The following SCG5 variants were observed in gnomAD, a reference collection of about 807,000 sequenced individuals.
SCG5 encodes secretogranin V.
SCG5 carries 18 observed loss-of-function variants against 25.7 expected under a neutral mutation model. The observed-to-expected ratio is 0.70, with a 90% confidence interval of 0.48 to 1.04. The LOEUF (loss-of-function observed/expected upper bound fraction) is 1.04. SCG5 is among the 50% of genes least tolerant of loss of function. SCG5 has a pLI of 0.00. For synonymous variants in SCG5, 101 were observed against 91.7 expected, an observed-to-expected ratio of 1.10 and a Z score of -0.58; for missense variants, 206 against 259.8, an observed-to-expected ratio of 0.79 and a Z score of 1.42.
At chr15:32,651,712 G>C (rs1567070982) in intron 2 of SCG5, among the ~76,000 whole-genome samples, 1 of 152,222 alleles carries the variant, frequency 6.6e-6, no homozygotes. Context: ...GTCTCTGGAT[G>C]ATTTTCAGTT....
chr15:32,690,958 T>C (rs1595822181), intron 4 of SCG5, among the ~76,000 whole-genome samples: 1 of 148,586 alleles, frequency 6.7e-6, no homozygotes, highest in African/African-American at 2.4e-5. Context: ...CTTCTCCCTT[T>C]CTGCCTTCAG....
chr15:32,672,680 T>C (rs1477061077), intron 2 of SCG5, among the ~76,000 whole-genome samples: 1 of 151,916 alleles, frequency 6.6e-6, no homozygotes, highest in African/African-American at 2.4e-5. Context: ...CTGGAAAGGG[T>C]ATGAATGGAC....
At chr15:32,663,132 TATATA>T (rs1256270199) in intron 2 of SCG5, among the ~76,000 whole-genome samples, 2 of 147,596 alleles carry the variant, frequency 1.4e-5, no homozygotes, top group East Asian at 2.0e-4. Context: ...ATATATAACA[TATATA>T]ATATATGAAT....
intron 2 of SCG5, among the ~76,000 whole-genome samples, chr15:32,675,078 A>T (rs1335182683): frequency 1.3e-5 from 2 of 152,216 alleles, no homozygotes; most frequent in African/African-American, 4.8e-5. Context: ...ATATAAAGCA[A>T]AGTTTATATA....
intron 2 of SCG5, chr15:32,669,157 T>C (rs2054374125): frequency 6.6e-6 from 1 of 152,160 alleles, no homozygotes; most frequent in South Asian, 2.1e-4. Context: ...TAGCACTCAT[T>C]ATCATGTTAG....
At chr15:32,674,106 A>G (rs1054485431) in intron 2 of SCG5, among the ~76,000 whole-genome samples, 19 of 152,324 alleles carry the variant, frequency 1.2e-4, no homozygotes, top group African/African-American at 4.6e-4. Context: ...ATTCCCAGTA[A>G]TAGTCCCAAA....
intron 2 of SCG5, among the ~76,000 whole-genome samples, chr15:32,651,032 T>C (rs1394016957): frequency 6.6e-6 from 1 of 152,070 alleles, no homozygotes; most frequent in Non-Finnish European, 1.5e-5. Context: ...ACCCCGTTTC[T>C]ACTAAAAATA....
At position 32,690,463 on chromosome 15, in the gene SCG5, G is replaced by A. The variant is rs143737381; in HGVS notation, c.490-1247G>A. On this transcript the variant is annotated intron_variant, in intron 4 of 5. Transcript: ENST00000300175. ...CACAGCAATATCCTCATTCCTCAAG[G>A]AAATGATCTGCAAGTCTGCCTTTTC... 8.5e-3 allele frequency among the ~76,000 whole-genome samples: 1,298 copies of A among 152,294 alleles called. 7 individuals are homozygous for A. The highest frequency in any genetic ancestry group is 0.014 in the Non-Finnish European group (972 of 68,032).
At chr15:32,652,647 T>G (rs554224750) in intron 2 of SCG5, among the ~76,000 whole-genome samples, 3 of 152,136 alleles carry the variant, frequency 2.0e-5, no homozygotes, top group Non-Finnish European at 4.4e-5. Context: ...TTTGGAGGTT[T>G]TGGCCTCAGG....
At chr15:32,659,723 C>T (rs749769441) in intron 2 of SCG5, among the ~76,000 whole-genome samples, 1 of 152,124 alleles carries the variant, frequency 6.6e-6, no homozygotes, top group South Asian at 2.1e-4. Context: ...AAGCCCTGCA[C>T]GGTTTGGACA....
intron 5 of SCG5, chr15:32,692,161 A>G: frequency 1.9e-6 from 2 of 1,039,584 alleles, no homozygotes; most frequent in Non-Finnish European, 2.3e-6. Context: ...CAGGACAGAA[A>G]CAGGGAAGTG....
At chr15:32,656,131 T>C (rs939133576) in intron 2 of SCG5, 3 of 152,372 alleles carry the variant, frequency 2.0e-5, no homozygotes, top group Non-Finnish European at 4.4e-5. Context: ...TGCCTTGCAG[T>C]TGGCAAGCCG....
intron 2 of SCG5, among the ~76,000 whole-genome samples, chr15:32,664,904 A>G (rs1258293915): frequency 2.0e-5 from 3 of 152,214 alleles, no homozygotes; most frequent in Non-Finnish European, 4.4e-5. Context: ...GGCAGAATGG[A>G]GGAATTCCCT....
intron 2 of SCG5, among the ~76,000 whole-genome samples, chr15:32,665,529 G>A (rs2054304774): frequency 6.6e-6 from 1 of 152,094 alleles, no homozygotes; most frequent in African/African-American, 2.4e-5. Flanking sequence ...GTGGAGAAGA[G>A]GAGTCAGAGC....
chr15:32,645,042 C>T (rs146824978), intron 2 of SCG5, among the ~76,000 whole-genome samples: 122 of 152,278 alleles, frequency 8.0e-4, no homozygotes, highest in Admixed American at 2.5e-3. Context: ...TGCGTTGAAT[C>T]GGCAAGCATG....
At chr15:32,679,621 C>T in intron 2 of SCG5, 145 bp from the exon 3 acceptor site, 1 of 838,404 alleles carries the variant, frequency 1.2e-6, no homozygotes, top group Non-Finnish European at 1.9e-6. Flanking sequence ...AATTTCTAAA[C>T]CCCTAGAGGG....
chr15:32,696,352 C>T (rs539816381), intron 5 of SCG5, among the ~76,000 whole-genome samples, 162 bp from the exon 6 acceptor site: 6 of 152,206 alleles, frequency 3.9e-5, no homozygotes, highest in South Asian at 2.1e-4. Context: ...CTCCTGACCT[C>T]GTGATCTGCC....
rs1555433850 is a variant in SCG5 at position 32,657,211 on chromosome 15, A to ATATATATATATATATATATATG, written c.226+13394_226+13395insATATATATATATATATATATGT. ...CTTTCATCCTCCTGTATATATATAT[A>ATATATATATATATATATATATG]TGTATGTATTTCCAGGTGTAAGTGG... On this transcript the variant is annotated intron_variant, in intron 2 of 5. Transcript: ENST00000300175. Among the ~76,000 whole-genome samples the ATATATATATATATATATATATG allele has an allele frequency of 6.1e-4, 62 of 102,462 alleles. 8 individuals carry two copies. Among genetic ancestry groups the ATATATATATATATATATATATG allele is most frequent in the African/African-American group, 2.1e-3 (61 of 29,346 alleles). The allele number at this position is 102,462 out of a possible 152,430, so 67.2% of individuals were successfully genotyped here.
At position 32,684,652 on chromosome 15, in the gene SCG5, C is replaced by A. The variant is rs753398276; in HGVS notation, c.472C>A (p.Pro158Thr). 10 of 1,612,848 alleles carry A rather than the reference C, an allele frequency of 6.2e-6. No homozygotes were observed. The South Asian group carries it at 1.1e-4, about 18-fold the overall frequency. ...QHLFDPEHDY[P>T]GLGKWNKKLL... is the part of the protein sequence containing the mutation. ...TCTCTTTGATCCGGAACATGACTAT[C>A]CAGGCTTGGGCAAGTGGGTAAGTCC... The change falls in exon 4 of 6, where the codon CCA becomes ACA. Residue 158 changes from proline (P) to threonine (T), a missense_variant. By Grantham distance (38) the Pro-to-Thr change is conservative. Transcript: ENST00000300175.
Sources: allele counts gnomAD v4.1 joint callset (sites outside exome capture counted in the v4.1 genomes callset), GRCh38; gene constraint gnomAD v4.1.1; transcripts MANE v1.5; gene names NCBI Gene and HGNC (gene_info 2026-07-23, HGNC 2026-07-21).